Variants in MYO7B observed in about 807,000 individuals in gnomAD.
MYO7B encodes the protein myosin VIIB.
A neutral mutation model predicts 259.7 loss-of-function variants in MYO7B; 212 were observed. The observed-to-expected ratio is 0.82, with a 90% CI of 0.73 to 0.91. The LOEUF (loss-of-function observed/expected upper bound fraction) is 0.91, where lower values mean the gene tolerates loss of function less well. Ranked by LOEUF, MYO7B falls within the 40% of genes least tolerant of loss-of-function variation. The pLI, the probability that MYO7B is intolerant of heterozygous loss-of-function variation, is 0.00. For missense variants in MYO7B, 2,732 were observed against 2,813.5 expected (o/e 0.97, Z 0.66); for synonymous variants, 1,197 against 1,166.4 (o/e 1.03, Z -0.54).
chr2:127,545,168 T>A (rs1693174023), intron 1 of MYO7B, among the ~76,000 whole-genome samples: 1 of 152,274 alleles, frequency 6.6e-6, no homozygotes, highest in East Asian at 1.9e-4. Flanking sequence ...TGCCTGTACA[T>A]CTACCTTGAT....
chr2:127,592,692 T>C (rs1011838364), intron 16 of MYO7B, 102 bp from the exon 17 acceptor site: 2 of 1,463,000 alleles, frequency 1.4e-6, no homozygotes, highest in African/African-American at 2.9e-5. Context: ...CTGGACACAC[T>C]GACCTCTGGC....
rs1289153947 is a variant in MYO7B, at chr2:127,580,914, C to T, written c.1080+92C>T. 10 of 1,241,736 alleles carry T rather than the reference C, an allele frequency of 8.1e-6. 1 individual carries two copies. The highest frequency in any genetic ancestry group is 7.5e-5 in the African/African-American group (5 of 66,550). The allele number at this position is 1,241,736 out of a possible 1,614,324, so 76.9% of individuals were successfully genotyped here. On this transcript the variant is annotated intron_variant, in intron 10 of 47. Coordinates refer to ENST00000409816, the MANE Select transcript of MYO7B (RefSeq NM_001393586.1). ...CTGACACCTGATTCTTATAACCCTA[C>T]CCAGGCCCCCACCCCTTTCCCAGGG...
chr2:127,587,927 C>T (rs550077850), intron 14 of MYO7B, among the ~76,000 whole-genome samples: 1 of 152,328 alleles, frequency 6.6e-6, no homozygotes, highest in Non-Finnish European at 1.5e-5. Context: ...CTAATGACCT[C>T]ATTTTACTTT....
chr2:127,634,698 G>A lies in MYO7B; in HGVS notation c.5713+15G>A, dbSNP rs1275419828. The A allele has an allele frequency of 6.2e-7, 1 of 1,601,632 alleles. No individual in the cohort carries two copies. Among genetic ancestry groups the A allele is most frequent in the Admixed American group, 1.7e-5 (1 of 58,856 alleles). The stretch of plus-strand genomic sequence containing the variant: ...CCAGAAAGAAGGTGAGGAGGCCTCT[G>A]TGGAGCTGGGGGAGGGCGTGGCTGG... On this transcript the variant is annotated intron_variant, in intron 42 of 47. Transcript: ENST00000409816.
At chr2:127,575,226 A>G (rs1000461568) in intron 7 of MYO7B, among the ~76,000 whole-genome samples, 3 of 152,184 alleles carry the variant, frequency 2.0e-5, no homozygotes, top group Non-Finnish European at 4.4e-5. Flanking sequence ...TCCCTATTGT[A>G]CAGATGAGAA....
In MYO7B at chr2:127,597,963, G is replaced by A. The variant is rs1453420934; in HGVS notation, c.2339+1407G>A. Among the ~76,000 whole-genome samples, 2 of 152,008 alleles carry A rather than the reference G, an allele frequency of 1.3e-5. No individual in the cohort carries two copies. The highest frequency in any genetic ancestry group is 4.8e-5 in the African/African-American group (2 of 41,370). ...AGTATTTTGTTACTTTTTATTGCTCGGTGGTATTCTATGGGATGGATACAC... is the reference window on the plus strand; with the variant it reads ...AGTATTTTGTTACTTTTTATTGCTCAGTGGTATTCTATGGGATGGATACAC... On this transcript the variant is annotated intron_variant, in intron 19 of 47. Transcript: ENST00000409816. The surrounding 1 kb of genome is among the most constrained non-coding windows in gnomAD (Gnocchi z 4.8).
In MYO7B at chr2:127,607,551, C is replaced by A; in HGVS notation, c.2643+127C>A. On this transcript the variant is annotated intron_variant, in intron 21 of 47. Coordinates refer to ENST00000409816, the MANE Select transcript of MYO7B (RefSeq NM_001393586.1). The surrounding 1 kb of genome is among the most constrained non-coding windows in gnomAD (Gnocchi z 4.4). ...GCTTTGGAAAATCCCCCCGCCCCCG[C>A]CACAAGCCAAGACGTTAAAATCTGT... 1.3e-6 allele frequency: 1 copy of A among 771,656 alleles called. No individual in the cohort carries two copies. Among genetic ancestry groups the A allele is most frequent in the Admixed American group, 2.8e-5 (1 of 36,286 alleles). 47.8% of individuals were successfully genotyped at this position (771,656 alleles called of 1,614,324 possible). A position where few individuals can be genotyped will look rare whatever the true frequency, so the allele number is the denominator to read the frequency against.
intron 19 of MYO7B, among the ~76,000 whole-genome samples, chr2:127,600,885 G>T (rs13008047): frequency 6.6e-6 from 1 of 151,830 alleles, no homozygotes; most frequent in African/African-American, 2.4e-5. Flanking sequence ...TCTTCCTCTA[G>T]ATTCTTGAGG....
chr2:127,575,335 A>AGT (rs199874944), intron 7 of MYO7B, among the ~76,000 whole-genome samples: 2,102 of 152,306 alleles, frequency 0.014, 44 homozygotes, highest in African/African-American at 0.048. Flanking sequence ...TTCTTGATAT[A>AGT]GTGGTTGCTG....
Position 127,625,442 on chromosome 2 carries a change from C to T in MYO7B, c.4122C>T (p.Val1374=). 2 of 1,611,724 alleles carry T rather than the reference C, an allele frequency of 1.2e-6. No homozygotes were observed. The highest frequency in any genetic ancestry group is 2.2e-5 in the East Asian group (1 of 44,776). ...QLGASAESKA[V]QELLPSCIPH... ...GCGCCTCAGCAGAGAGCAAGGCTGT[C>T]CAGGAGCTGCTGCCCAGCTGCATCC... The change falls in exon 31 of 48, where the codon GTC becomes GTT. Residue 1374 remains valine, a synonymous_variant. Transcript: ENST00000409816.
intron 34 of MYO7B, among the ~76,000 whole-genome samples, chr2:127,629,017 CTG>C (rs1186313260): frequency 1.3e-5 from 2 of 152,206 alleles, no homozygotes; most frequent in African/African-American, 4.8e-5. Flanking sequence ...GAGAGCTGGG[CTG>C]TGTCTGTGGG....
At position 127,586,785 on chromosome 2, in the gene MYO7B, T is replaced by G. The variant is rs182108603; in HGVS notation, c.1691-1607T>G. On this transcript the variant is annotated intron_variant, in intron 14 of 47. Coordinates refer to ENST00000409816, the MANE Select transcript of MYO7B (RefSeq NM_001393586.1). The surrounding 1 kb of genome is among the most constrained non-coding windows in gnomAD (Gnocchi z 4.8). ...TTTTATTTTGGATACCATGCTGTGC[T>G]GATGACCTCAGCTTTACTTACTCTG... Among the ~76,000 whole-genome samples the G allele has an allele frequency of 6.6e-6, 1 of 152,210 alleles. No homozygotes were observed. The highest frequency in any genetic ancestry group is 1.5e-5 in the Non-Finnish European group (1 of 68,036).
intron 1 of MYO7B, among the ~76,000 whole-genome samples, chr2:127,551,908 T>C (rs1163773740): frequency 6.6e-6 from 1 of 152,152 alleles, no homozygotes; most frequent in Non-Finnish European, 1.5e-5. Context: ...CTCTGGACAC[T>C]GCTGAAGGCC....
In MYO7B at chr2:127,581,936, C is replaced by T. The variant is rs1038476153; in HGVS notation, c.1126C>T (p.Leu376Phe). The T allele has an allele frequency of 3.1e-6, 5 of 1,613,832 alleles. No individual in the cohort carries two copies. Among genetic ancestry groups the T allele is most frequent in the Middle Eastern group, 1.6e-4 (1 of 6,084 alleles). The change falls in exon 11 of 48, where the codon CTC becomes TTC. Residue 376 changes from leucine to phenylalanine, a missense_variant. Around this residue, in one of 3 missense-constraint regions of MYO7B, gnomAD observed 1,906 missense variants for 2,026.4 expected, o/e 0.94. Coordinates refer to ENST00000409816, the MANE Select transcript of MYO7B (RefSeq NM_001393586.1). The part of the protein sequence containing the change: ...LRDCLIKHTI[L>F]IRGEFVTRSL... ...GGACTGTCTGATCAAGCACACCATC[C>T]TCATCCGAGGGGAATTTGTCACCAG...
chr2:127,543,851 T>A (rs1693109225), intron 1 of MYO7B, among the ~76,000 whole-genome samples: 1 of 151,890 alleles, frequency 6.6e-6, no homozygotes. Context: ...TTCACGCCAT[T>A]CTCCTGCCTC....
chr2:127,593,358 C>A (rs906411244), intron 17 of MYO7B, among the ~76,000 whole-genome samples, 188 bp from the exon 18 acceptor site: 1 of 152,010 alleles, frequency 6.6e-6, no homozygotes. Flanking sequence ...CATGGAGGCC[C>A]CGGGCCCCGA....
At chr2:127,575,780 C>A (rs144525219) in intron 7 of MYO7B, among the ~76,000 whole-genome samples, 70 of 152,144 alleles carry the variant, frequency 4.6e-4, no homozygotes, top group African/African-American at 1.7e-3. Context: ...ACCACCACAT[C>A]CAGCTAATTT....
In MYO7B at chr2:127,636,403, A is replaced by G. The variant is rs1681808949; in HGVS notation, c.6123+79A>G. On this transcript the variant is annotated intron_variant, in intron 45 of 47. Transcript: ENST00000409816. This position sits in a 1 kb window ranked among gnomAD's most constrained non-coding sequence, Gnocchi z 4.5. ...AGCCCCAGCAGGCCCAGCGTCAACC[A>G]GCACACATCTTGGGTGGGGCTGGCC... 1.4e-6 allele frequency: 2 copies of G among 1,473,180 alleles called. No individual in the cohort carries two copies. The highest frequency in any genetic ancestry group is 2.8e-5 in the African/African-American group (2 of 71,904). 91.3% of individuals were successfully genotyped at this position (1,473,180 alleles called of 1,614,324 possible).
At chr2:127,623,976 C>A (rs545482188) in intron 29 of MYO7B, 117 bp from the exon 30 acceptor site, 3 of 949,330 alleles carry the variant, frequency 3.2e-6, no homozygotes, top group Non-Finnish European at 4.6e-6. Flanking sequence ...ACTCAGCCCA[C>A]GCTGGGCTCC....
Sources: allele counts gnomAD v4.1 joint callset (sites outside exome capture counted in the v4.1 genomes callset), GRCh38; gene constraint gnomAD v4.1.1; regional missense constraint gnomAD v4.1.1; non-coding constraint Gnocchi (gnomAD v3.1); transcripts MANE v1.5; gene names NCBI Gene and HGNC (gene_info 2026-07-23, HGNC 2026-07-21).